PBX1: variants seen among roughly 807,000 people sequenced by gnomAD.
PBX1 encodes pre-B-cell leukemia transcription factor 1.
A neutral mutation model predicts 53.4 loss-of-function variants in PBX1; 6 were observed. The observed-to-expected ratio is 0.11, with a 90% CI of 0.06 to 0.22. The LOEUF (loss-of-function observed/expected upper bound fraction) is 0.22, where lower values mean the gene tolerates loss of function less well. Among genes scored for constraint, PBX1 ranks in the 10% least tolerant of loss-of-function variants. The pLI is 1.00. For synonymous variants in PBX1, 204 were observed against 212.3 expected, an observed-to-expected ratio of 0.96 and a Z score of 0.34; for missense variants, 251 against 551.4, an observed-to-expected ratio of 0.46 and a Z score of 5.46.
chr1:164,699,603 A>G (rs538700961), intron 2 of PBX1, among the ~76,000 whole-genome samples: 1 of 152,302 alleles, frequency 6.6e-6, no homozygotes, highest in East Asian at 1.9e-4. Flanking sequence ...TTTCTAAAGC[A>G]CTATGAAGAT....
intron 2 of PBX1, among the ~76,000 whole-genome samples, chr1:164,679,385 G>A (rs936149507): frequency 6.6e-6 from 1 of 152,224 alleles, no homozygotes; most frequent in Non-Finnish European, 1.5e-5. Flanking sequence ...GCAGTCTACT[G>A]GGTGGGAGGG....
intron 2 of PBX1, among the ~76,000 whole-genome samples, chr1:164,883,891 A>G (rs1042280007): frequency 6.6e-6 from 1 of 152,230 alleles, no homozygotes; most frequent in East Asian, 1.9e-4. Flanking sequence ...GCTACAAAAA[A>G]GAGGACAGGT....
At chr1:164,612,261 G>A (rs1656985125) in intron 2 of PBX1, among the ~76,000 whole-genome samples, 1 of 152,120 alleles carries the variant, frequency 6.6e-6, no homozygotes, top group South Asian at 2.1e-4. Flanking sequence ...GTAGAAGCAG[G>A]CTTGGGAGCT....
intron 2 of PBX1, chr1:164,641,249 A>T (rs2039871): frequency 0.3 from 45,301 of 152,760 alleles, 7,489 homozygotes; most frequent in Middle Eastern, 0.41. Flanking sequence ...GAGGAAGGAG[A>T]GAGAAGAGAA....
At chr1:164,638,456 T>G (rs1557907962) in intron 2 of PBX1, among the ~76,000 whole-genome samples, 1 of 152,256 alleles carries the variant, frequency 6.6e-6, no homozygotes. Flanking sequence ...CGTTGACTTG[T>G]AAGCAGGAAG....
chr1:164,831,000 A>G (rs760969346), intron 8 of PBX1, among the ~76,000 whole-genome samples: 1 of 152,322 alleles, frequency 6.6e-6, no homozygotes, highest in East Asian at 1.9e-4. Flanking sequence ...AAGGAATTAC[A>G]TAGCTTTATT....
intron 2 of PBX1, among the ~76,000 whole-genome samples, chr1:164,876,951 A>G: frequency 6.6e-6 from 1 of 152,206 alleles, no homozygotes; most frequent in Non-Finnish European, 1.5e-5. Flanking sequence ...ACAGCCCCGC[A>G]GAGCCTCGTT....
intron 8 of PBX1, among the ~76,000 whole-genome samples, chr1:164,839,135 C>G (rs1671177660): frequency 6.6e-6 from 1 of 152,162 alleles, no homozygotes. Context: ...TGTCTGTTTT[C>G]TGTTCACCTT....
rs575898828 is a variant in PBX1, at chr1:164,865,375, C to T, written n.258-33813C>T. 2.6e-5 allele frequency among the ~76,000 whole-genome samples: 4 copies of T among 152,296 alleles called. No individual in the cohort carries two copies. The East Asian group carries it at 7.7e-4, about 29-fold the overall frequency. On this transcript the variant is annotated intron_variant and non_coding_transcript_variant, in intron 2 of 2. Transcript: ENST00000558796. Reference sequence around the variant, plus strand: ...GATCCTGAGAGCCTGCAGCTTCCACCCGAACCAGCTGGATAAGAAATCACC... The same window carrying T: ...GATCCTGAGAGCCTGCAGCTTCCACTCGAACCAGCTGGATAAGAAATCACC...
intron 8 of PBX1, among the ~76,000 whole-genome samples, chr1:164,842,213 T>C (rs908282698): frequency 6.6e-6 from 1 of 151,992 alleles, no homozygotes; most frequent in African/African-American, 2.4e-5. Flanking sequence ...TCAAGGAGGG[T>C]GGTAGAGAAA....
At position 164,569,110 on chromosome 1, in the gene PBX1, C is replaced by T. The variant is rs567815892; in HGVS notation, c.265+5799C>T. Among the ~76,000 whole-genome samples, 6 of 152,226 alleles carry T rather than the reference C, an allele frequency of 3.9e-5. No homozygotes were observed. In the South Asian group the frequency reaches 1.2e-3, roughly 32 times the overall value. On this transcript the variant is annotated intron_variant, in intron 2 of 8. Transcript: ENST00000420696. The stretch of plus-strand genomic sequence containing the variant: ...CCTCACACTCTGTGCTAGTTCTGGA[C>T]CTTCTACTAAGTAGTTATAAGACCA...
chr1:164,795,118 G>A (rs1215836784), intron 3 of PBX1, among the ~76,000 whole-genome samples: 1 of 152,174 alleles, frequency 6.6e-6, no homozygotes, highest in Non-Finnish European at 1.5e-5. Context: ...TTTTGAGATT[G>A]GGTACCCAGG....
chr1:164,665,111 TA>T (rs1333943409), intron 2 of PBX1, among the ~76,000 whole-genome samples: 1 of 152,200 alleles, frequency 6.6e-6, no homozygotes, highest in Non-Finnish European at 1.5e-5. Context: ...TATTCCTGTC[TA>T]AATGGGAAAG....
chr1:164,882,116 CTTT>C (rs879926385), intron 2 of PBX1, among the ~76,000 whole-genome samples: 1 of 145,342 alleles, frequency 6.9e-6, no homozygotes, highest in Non-Finnish European at 1.5e-5. Flanking sequence ...TAGTCCAACC[CTTT>C]TTTTTTTTTG....
At chr1:164,572,975 G>A (rs1481182075) in intron 2 of PBX1, among the ~76,000 whole-genome samples, 3 of 152,012 alleles carry the variant, frequency 2.0e-5, no homozygotes, top group Admixed American at 6.6e-5. Flanking sequence ...CGGGCAAAAC[G>A]CAGCAAAAGG....
At chr1:164,670,709 G>C (rs554147666) in intron 2 of PBX1, among the ~76,000 whole-genome samples, 3 of 152,236 alleles carry the variant, frequency 2.0e-5, no homozygotes, top group African/African-American at 7.2e-5. Flanking sequence ...ATGGAGTACT[G>C]AGAATAGCAG....
intron 8 of PBX1, among the ~76,000 whole-genome samples, chr1:164,842,340 A>C (rs1558040290): frequency 2.0e-5 from 3 of 152,226 alleles, no homozygotes. Flanking sequence ...CTACCTCCTC[A>C]GACAGGCATG....
At position 164,562,165 on chromosome 1, in the gene PBX1, A is replaced by G. The variant is rs372254140; in HGVS notation, c.192-1073A>G. Among the ~76,000 whole-genome samples, 12 of 152,126 alleles carry G rather than the reference A, an allele frequency of 7.9e-5. No homozygotes were observed. In the East Asian group the frequency reaches 2.3e-3, roughly 29 times the overall value. On this transcript the variant is annotated intron_variant, in intron 1 of 8. Transcript: ENST00000420696. ...TTTGATAGTCCTGAATTTTGACTTT[A>G]TTACTCCCCTGCTGTACAGTACATA...
chr1:164,657,959 G>A (rs1468905143), intron 2 of PBX1, among the ~76,000 whole-genome samples: 1 of 152,072 alleles, frequency 6.6e-6, no homozygotes, highest in Non-Finnish European at 1.5e-5. Context: ...GTAGCTTTGG[G>A]TATGGCCTCC....
Sources: allele counts gnomAD v4.1 joint callset (sites outside exome capture counted in the v4.1 genomes callset), GRCh38; gene constraint gnomAD v4.1.1; transcripts MANE v1.5; gene names NCBI Gene and HGNC (gene_info 2026-07-23, HGNC 2026-07-21).